Variants in CACNA2D1 observed in about 807,000 individuals in gnomAD.
CACNA2D1 encodes calcium voltage-gated channel auxiliary subunit alpha2delta 1.
A neutral mutation model predicts 171.5 loss-of-function variants in CACNA2D1; 53 were observed. The ratio of observed to expected loss-of-function variants is 0.31; its 90% CI spans 0.25 to 0.39. The LOEUF (loss-of-function observed/expected upper bound fraction) is 0.39. CACNA2D1 is among the 10% of genes least tolerant of loss of function. CACNA2D1 has a pLI of 1.00. For missense variants in CACNA2D1, 903 were observed against 1,299.8 expected, an observed-to-expected ratio of 0.69 and a Z score of 4.69; for synonymous variants, 442 against 443.1, an observed-to-expected ratio of 1.00 and a Z score of 0.03.
chr7:82,211,989 G>A (rs1464837248), intron 3 of CACNA2D1, among the ~76,000 whole-genome samples: 1 of 152,142 alleles, frequency 6.6e-6, no homozygotes, highest in Non-Finnish European at 1.5e-5. Flanking sequence ...TAGTGATGTT[G>A]AGCATTGTTA....
intron 21 of CACNA2D1, among the ~76,000 whole-genome samples, chr7:81,985,280 C>T (rs1439258423): frequency 6.8e-6 from 1 of 146,560 alleles, no homozygotes; most frequent in Non-Finnish European, 1.5e-5. Flanking sequence ...TGGCTCATCA[C>T]AGCCTAAATC....
In CACNA2D1 at chr7:81,964,096, C is replaced by T. The variant is rs377181609; in HGVS notation, c.2740G>A (p.Asp914Asn). ...GCCCACCAGCCAATTTGTAATATGT[C>T]TGCTACTGATGGCTATAAAATAAAA... ...HRSAYVPSVADILQIGWWATA... is the reference protein window; with the variant it reads ...HRSAYVPSVANILQIGWWATA... Residue 914 changes from aspartate (D) to asparagine (N), a missense_variant, in exon 34 of 39, where the codon GAC (aspartate) becomes AAC (asparagine). This residue lies in a region of CACNA2D1 where 623 missense variants were observed against 925.5 expected (regional missense o/e 0.67). Coordinates refer to ENST00000356860, the MANE Select transcript of CACNA2D1 (RefSeq NM_000722.4). 7 of 1,612,168 alleles carry T rather than the reference C, an allele frequency of 4.3e-6. No individual in the cohort carries two copies. Among genetic ancestry groups the T allele is most frequent in the Non-Finnish European group, 5.9e-6 (7 of 1,178,936 alleles).
chr7:82,200,339 T>C (rs975767476), intron 3 of CACNA2D1, among the ~76,000 whole-genome samples: 1 of 152,066 alleles, frequency 6.6e-6, no homozygotes, highest in Non-Finnish European at 1.5e-5. Context: ...TGCATCATAA[T>C]ATTAATTGAA....
intron 24 of CACNA2D1, 97 bp from the exon 25 acceptor site, chr7:81,974,649 A>G (rs1584249816): frequency 1.5e-6 from 1 of 656,702 alleles, no homozygotes; most frequent in South Asian, 1.7e-5. Flanking sequence ...TTTATTAGCC[A>G]CAAGACTTTG....
intron 3 of CACNA2D1, among the ~76,000 whole-genome samples, chr7:82,253,549 T>C (rs1348424016): frequency 6.6e-6 from 1 of 152,162 alleles, no homozygotes; most frequent in Non-Finnish European, 1.5e-5. Context: ...ATAAATATTT[T>C]GATACACAAA....
intron 4 of CACNA2D1, among the ~76,000 whole-genome samples, chr7:82,154,224 T>G (rs1353346553): frequency 1.3e-5 from 2 of 152,218 alleles, no homozygotes; most frequent in Non-Finnish European, 2.9e-5. Context: ...AATGATTATC[T>G]ATATTTGTAT....
At chr7:82,060,201 TTATATATATAATATA>T (rs1470297320) in intron 10 of CACNA2D1, among the ~76,000 whole-genome samples, 2 of 10,398 alleles carry the variant, frequency 1.9e-4, no homozygotes, top group African/African-American at 3.6e-4. Flanking sequence ...TATATATATA[TTATATATATAATATA>T]TATATAATAT....
chr7:82,425,159 G>T (rs2129457975), intron 1 of CACNA2D1, among the ~76,000 whole-genome samples: 1 of 152,288 alleles, frequency 6.6e-6, no homozygotes, highest in South Asian at 2.1e-4. Context: ...TATAATGAAT[G>T]ATCTAACTTA....
intron 10 of CACNA2D1, among the ~76,000 whole-genome samples, chr7:82,049,077 A>C (rs554180381): frequency 6.6e-6 from 1 of 151,416 alleles, no homozygotes; most frequent in Non-Finnish European, 1.5e-5. Flanking sequence ...ACCTTCTTAT[A>C]AACTCTCTTT....
chr7:82,393,834 G>GAT (rs1264890812), intron 1 of CACNA2D1, among the ~76,000 whole-genome samples: 7 of 152,142 alleles, frequency 4.6e-5, no homozygotes, highest in South Asian at 2.1e-4. Context: ...TTGAGTTACT[G>GAT]ATATATATAA....
At chr7:82,283,477 C>T (rs542230970) in intron 3 of CACNA2D1, among the ~76,000 whole-genome samples, 1 of 152,204 alleles carries the variant, frequency 6.6e-6, no homozygotes, top group Admixed American at 6.5e-5. Flanking sequence ...AATCAAATAG[C>T]ATAAATGTTG....
At chr7:82,430,420 A>AAC (rs1829578544) in intron 1 of CACNA2D1, among the ~76,000 whole-genome samples, 1 of 151,608 alleles carries the variant, frequency 6.6e-6, no homozygotes. Flanking sequence ...TCCATCTCAA[A>AAC]AAAAAAAAAA....
At chr7:82,210,156 T>C (rs1800414653) in intron 3 of CACNA2D1, among the ~76,000 whole-genome samples, 1 of 150,220 alleles carries the variant, frequency 6.7e-6, no homozygotes, top group South Asian at 2.1e-4. Context: ...GTTGAATAAA[T>C]GAATTGAGGG....
At chr7:82,350,652 G>A (rs538239313) in intron 1 of CACNA2D1, among the ~76,000 whole-genome samples, 8 of 152,230 alleles carry the variant, frequency 5.3e-5, no homozygotes, top group African/African-American at 1.4e-4. Context: ...GCGACAGAGT[G>A]AGACTCCGTC....
rs1175193464 is a variant in CACNA2D1 at position 81,998,053 on chromosome 7, AT to A, written c.1591-804del. Reference sequence around the variant, plus strand: ...TAAAATGATACTGTTAGTCTGGCAAATTTACCTCATATGATATTATTTTAAT... The same window carrying A: ...TAAAATGATACTGTTAGTCTGGCAAATTACCTCATATGATATTATTTTAAT... On this transcript the variant is annotated intron_variant, in intron 18 of 38. Coordinates refer to ENST00000356860, the MANE Select transcript of CACNA2D1 (RefSeq NM_000722.4). 2.6e-5 allele frequency among the ~76,000 whole-genome samples: 4 copies of A among 151,878 alleles called. No homozygotes were observed. The East Asian group carries it at 7.7e-4, about 29-fold the overall frequency.
chr7:82,198,279 G>C (rs1262851307), intron 3 of CACNA2D1, among the ~76,000 whole-genome samples: 1 of 152,092 alleles, frequency 6.6e-6, no homozygotes, highest in South Asian at 2.1e-4. Flanking sequence ...GGAGGAATAA[G>C]TTACTGGAGC....
rs1323415078 is a variant in CACNA2D1 at position 81,946,843 on chromosome 7, T to A, written c.*3549A>T. ...AACTAGAAATAAGGTAGATGAAGAG[T>A]TGTCTAATTCTTCAAAAATCTGGAA... On this transcript the variant is annotated 3_prime_UTR_variant, in exon 39 of 39. Transcript: ENST00000356860. 6.6e-6 allele frequency: 1 copy of A among 151,960 alleles called. No homozygotes were observed. The highest frequency in any genetic ancestry group is 1.5e-5 in the Non-Finnish European group (1 of 67,958). The allele number at this position is 151,960 out of a possible 1,614,324, so 9.4% of individuals were successfully genotyped here.
intron 11 of CACNA2D1, among the ~76,000 whole-genome samples, chr7:82,037,411 G>A (rs77099333): frequency 3.3e-4 from 50 of 152,192 alleles, no homozygotes; most frequent in Middle Eastern, 3.4e-3. Flanking sequence ...CCCAGGAAGC[G>A]GAGGTTGCAA....
intron 15 of CACNA2D1, 92 bp from the exon 16 acceptor site, chr7:82,007,848 T>C (rs967447025): frequency 2.7e-6 from 2 of 747,320 alleles, no homozygotes; most frequent in Admixed American, 1.9e-5. Flanking sequence ...GATTGCATTT[T>C]ATAGTTACTT....
Sources: allele counts gnomAD v4.1 joint callset (sites outside exome capture counted in the v4.1 genomes callset), GRCh38; gene constraint gnomAD v4.1.1; regional missense constraint gnomAD v4.1.1; transcripts MANE v1.5; gene names NCBI Gene and HGNC (gene_info 2026-07-23, HGNC 2026-07-21).